Variants in TMEM8B observed in about 807,000 individuals in gnomAD.
The protein encoded by TMEM8B is transmembrane protein 8B, also known as nasopharyngeal carcinoma expressed 6.
TMEM8B carries 29 observed loss-of-function variants against 49.3 expected under a neutral mutation model. The observed-to-expected ratio is 0.59, with a 90% CI of 0.44 to 0.80. TMEM8B has a LOEUF of 0.80. TMEM8B is among the 30% of genes least tolerant of loss of function. The probability of loss-of-function intolerance (pLI) is 0.00; values close to 1 mark genes in which losing one functional copy is unlikely to be tolerated. For missense variants in TMEM8B, 575 were observed against 658.5 expected (o/e 0.87, Z 1.39); for synonymous variants, 264 against 272.8 (o/e 0.97, Z 0.32).
At chr9:35,845,636 G>A in intron 6 of TMEM8B, 1 of 985,394 alleles carries the variant, frequency 1.0e-6, no homozygotes, top group African/African-American at 1.7e-5. Flanking sequence ...TTCTATAACT[G>A]GCAACAGCCC....
Position 35,846,566 on chromosome 9 carries a change from C to G in TMEM8B, c.1951C>G (p.Leu651Val). ...DCGPYGQCKL[L>V]RTHNYLYAAC... ...CGGGCCCTACGGCCAGTGCAAGCTG[C>G]TGCGCACACACAATTATCTGTACGC... is the stretch of plus-strand genomic sequence containing the variant. The change falls in exon 9 of 13, where the codon CTG becomes GTG. Residue 651 changes from leucine to valine, a missense_variant. By Grantham distance (32) the Leu-to-Val change is conservative. Coordinates refer to ENST00000643932, the MANE Select transcript of TMEM8B (RefSeq NM_001042590.4). 1 of 1,573,236 alleles carries G rather than the reference C, an allele frequency of 6.4e-7. No individual in the cohort carries two copies. The highest frequency in any genetic ancestry group is 8.6e-7 in the Non-Finnish European group (1 of 1,159,200).
In TMEM8B at chr9:35,853,535, T is replaced by C. The variant is rs1832350831; in HGVS notation, c.2470T>C (p.Tyr824His). Residue 824 changes from tyrosine (Y) to histidine (H), a missense_variant, in exon 13 of 13, where the codon TAC becomes CAC. Coordinates refer to ENST00000643932, the MANE Select transcript of TMEM8B (RefSeq NM_001042590.4). The surrounding 1 kb of genome is among the most constrained non-coding windows in gnomAD (Gnocchi z 4.2). The stretch of plus-strand genomic sequence containing the variant: ...ACGCAGCGTCCGCCGCCGGCACTGC[T>C]ACCCACCCACGTGGCGCCGCTGGCT... ...TVRSVRRRHCYPPTWRRWLFY... is the reference protein window; with the variant it reads ...TVRSVRRRHCHPPTWRRWLFY... 6.2e-7 allele frequency: 1 copy of C among 1,613,926 alleles called. No homozygotes were observed. Among genetic ancestry groups the C allele is most frequent in the Non-Finnish European group, 8.5e-7 (1 of 1,180,018 alleles).
Position 35,855,658 on chromosome 9 carries a change from T to A in TMEM8B, c.*1818T>A, listed in dbSNP as rs1832505738. 1 of 152,308 alleles carries A rather than the reference T, an allele frequency of 6.6e-6. No homozygotes were observed. Among genetic ancestry groups the A allele is most frequent in the Admixed American group, 6.5e-5 (1 of 15,282 alleles). 9.4% of individuals were successfully genotyped at this position (152,308 alleles called of 1,614,324 possible). ...ATCCACCCGCCTCGGCCTCCCAAAG[T>A]GCTGGGATTACAGTTGTGAGCCACC... On this transcript the variant is annotated 3_prime_UTR_variant, in exon 13 of 13. Coordinates refer to ENST00000643932, the MANE Select transcript of TMEM8B (RefSeq NM_001042590.4).
chr9:35,842,483 A>C lies in TMEM8B; in HGVS notation c.1401A>C (p.Glu467Asp). 1 of 1,600,654 alleles carries C rather than the reference A, an allele frequency of 6.2e-7. No homozygotes were observed. Among genetic ancestry groups the C allele is most frequent in the Non-Finnish European group, 8.5e-7 (1 of 1,170,992 alleles). The change falls in exon 6 of 13, where the codon GAA (glutamate) becomes GAC (aspartate). Residue 467 changes from glutamate to aspartate, a missense_variant. Transcript: ENST00000643932. The surrounding 1 kb of genome is among the most constrained non-coding windows in gnomAD (Gnocchi z 5.6). ...TGGGCAACCAGCCACTGCCCCCAGAACCGCCATCCCTTGGAACCCCTGCGG... is the reference window on the plus strand; with the variant it reads ...TGGGCAACCAGCCACTGCCCCCAGACCCGCCATCCCTTGGAACCCCTGCGG... ...QSLGNQPLPP[E>D]PPSLGTPAEG...
rs564793593 is a variant in TMEM8B, at chr9:35,839,027, C to T, written c.907-2107C>T. On this transcript the variant is annotated intron_variant, in intron 3 of 12. Coordinates refer to ENST00000643932, the MANE Select transcript of TMEM8B (RefSeq NM_001042590.4). ...CTGAAATCTGTCCAGCACTCGTTTG[C>T]TTCTACACTGATTGGTGCTTTCTGC... is the stretch of plus-strand genomic sequence containing the variant. Among the ~76,000 whole-genome samples, 3 of 152,324 alleles carry T rather than the reference C, an allele frequency of 2.0e-5. No individual in the cohort carries two copies. In the South Asian group the frequency reaches 6.2e-4, roughly 32 times the overall value.
At position 35,831,354 on chromosome 9, in the gene TMEM8B, C is replaced by T. The variant is rs117355760; in HGVS notation, c.508+1399C>T. On this transcript the variant is annotated intron_variant, in intron 1 of 12. Coordinates refer to ENST00000643932, the MANE Select transcript of TMEM8B (RefSeq NM_001042590.4). ...TTCCTCTTCAGCTCTGCCTCCTCCT[C>T]ATATGGACAGATCACTGAAGCTGTG... Among the ~76,000 whole-genome samples, 261 of 152,316 alleles carry T rather than the reference C, an allele frequency of 1.7e-3. 4 individuals are homozygous for T. In the East Asian group the frequency reaches 0.047, roughly 28 times the overall value.
rs1342131596 is a variant in TMEM8B at position 35,857,121 on chromosome 9, C to G, written c.*3281C>G. 6.6e-6 allele frequency: 1 copy of G among 152,276 alleles called. No individual in the cohort carries two copies. Among genetic ancestry groups the G allele is most frequent in the East Asian group, 1.9e-4 (1 of 5,198 alleles). The allele number at this position is 152,276 out of a possible 1,614,324, so 9.4% of individuals were successfully genotyped here. On this transcript the variant is annotated 3_prime_UTR_variant, in exon 13 of 13. Coordinates refer to ENST00000643932, the MANE Select transcript of TMEM8B (RefSeq NM_001042590.4). Reference sequence around the variant, plus strand: ...GAGACCCCTGAGCACTTGCAGCTGCCTGGGGCATGTTCAGCAGCACAGGGC... The same window carrying G: ...GAGACCCCTGAGCACTTGCAGCTGCGTGGGGCATGTTCAGCAGCACAGGGC...
rs918866498 is a variant in TMEM8B at position 35,859,865 on chromosome 9, A to G, written c.*6025A>G. ...CCCTATGAGGAGGGCGTTCCCCAAC[A>G]CATTCACGGAGTAGATGCCCAGGCA... On this transcript the variant is annotated 3_prime_UTR_variant, in exon 13 of 13. Coordinates refer to ENST00000643932, the MANE Select transcript of TMEM8B (RefSeq NM_001042590.4). 6.5e-6 allele frequency: 1 copy of G among 153,452 alleles called. No homozygotes were observed. Among genetic ancestry groups the G allele is most frequent in the Non-Finnish European group, 1.5e-5 (1 of 68,252 alleles). The allele number at this position is 153,452 out of a possible 1,614,324, so 9.5% of individuals were successfully genotyped here.
chr9:35,853,300 T>C lies in TMEM8B; in HGVS notation c.2439+43T>C. On this transcript the variant is annotated intron_variant, in intron 12 of 12. Coordinates refer to ENST00000643932, the MANE Select transcript of TMEM8B (RefSeq NM_001042590.4). The surrounding 1 kb of genome is among the most constrained non-coding windows in gnomAD (Gnocchi z 4.2). ...TGTGGGGGGAGGGTCCCAGCAGGAC[T>C]TGGGTGCTGGGCCCCAGGTATCTGG... 6.5e-7 allele frequency: 1 copy of C among 1,545,740 alleles called. No homozygotes were observed. The highest frequency in any genetic ancestry group is 1.1e-5 in the South Asian group (1 of 89,348).
In TMEM8B at chr9:35,862,586, C is replaced by T. The variant is rs1312395511; in HGVS notation, c.*8746C>T. The T allele has an allele frequency of 2.0e-5, 3 of 152,400 alleles. No individual in the cohort carries two copies. Among genetic ancestry groups the T allele is most frequent in the South Asian group, 2.1e-4 (1 of 4,840 alleles). The allele number at this position is 152,400 out of a possible 1,614,324, so 9.4% of individuals were successfully genotyped here. A position where few individuals can be genotyped will look rare whatever the true frequency, so the allele number is the denominator to read the frequency against. On this transcript the variant is annotated 3_prime_UTR_variant, in exon 13 of 13. Transcript: ENST00000643932. ...GCCTCCACCGCATCCCTCATGCACACCTGCTGCAGCCTCATCAGACCACTC... is the reference window on the plus strand; with the variant it reads ...GCCTCCACCGCATCCCTCATGCACATCTGCTGCAGCCTCATCAGACCACTC...
chr9:35,848,628 G>C (rs762523793), intron 10 of TMEM8B, among the ~76,000 whole-genome samples: 3 of 151,524 alleles, frequency 2.0e-5, no homozygotes, highest in African/African-American at 7.3e-5. Context: ...AGCCTCAAGT[G>C]CCTGGCACCA....
At chr9:35,850,839 A>G (rs1422799308) in intron 10 of TMEM8B, among the ~76,000 whole-genome samples, 5 of 152,246 alleles carry the variant, frequency 3.3e-5, no homozygotes, top group African/African-American at 9.6e-5. Flanking sequence ...AGTGAAGCAT[A>G]TGGAGCCAGT....
intron 1 of TMEM8B, among the ~76,000 whole-genome samples, chr9:35,831,651 C>T (rs976828009): frequency 6.6e-6 from 1 of 152,148 alleles, no homozygotes; most frequent in African/African-American, 2.4e-5. Flanking sequence ...CTTCATGTGC[C>T]CATTGAGCAA....
At chr9:35,839,849 A>G (rs1830798893) in intron 3 of TMEM8B, among the ~76,000 whole-genome samples, 1 of 152,152 alleles carries the variant, frequency 6.6e-6, no homozygotes, top group Non-Finnish European at 1.5e-5. Context: ...TTTGACACCC[A>G]TTCTTTAACA....
In TMEM8B at chr9:35,835,315, G is replaced by A. The variant is rs144561411; in HGVS notation, c.906+97G>A. 2.7e-3 allele frequency: 1,088 copies of A among 405,498 alleles called. 6 individuals carry two copies. Among genetic ancestry groups the A allele is most frequent in the African/African-American group, 0.016 (794 of 48,814 alleles). 25.1% of individuals were successfully genotyped at this position (405,498 alleles called of 1,614,324 possible). ...TCTCTGGCACACCAGCCTTGTGTCAGGGTGGGCAGCAGCACAAGGGTGGCT... is the reference window on the plus strand; with the variant it reads ...TCTCTGGCACACCAGCCTTGTGTCAAGGTGGGCAGCAGCACAAGGGTGGCT... On this transcript the variant is annotated intron_variant, in intron 3 of 12. Transcript: ENST00000643932.
chr9:35,844,714 A>G (rs1831349389), intron 6 of TMEM8B, among the ~76,000 whole-genome samples: 1 of 152,262 alleles, frequency 6.6e-6, no homozygotes, highest in Non-Finnish European at 1.5e-5. Flanking sequence ...AGCCTTACGC[A>G]TACTTGTTCT....
chr9:35,839,957 G>A (rs893574292), intron 3 of TMEM8B, among the ~76,000 whole-genome samples: 1 of 152,210 alleles, frequency 6.6e-6, no homozygotes, highest in African/African-American at 2.4e-5. Context: ...CTGGAAGTCA[G>A]TGCCTTGGCT....
Position 35,863,916 on chromosome 9 carries a change from A to G in TMEM8B, c.*10076A>G, listed in dbSNP as rs1832690591. ...CTCTCAGAAAGCTACTCTAGTGGCC[A>G]TCTACCAGTGTCACGCAGTGTCACG... On this transcript the variant is annotated 3_prime_UTR_variant, in exon 13 of 13. Coordinates refer to ENST00000643932, the MANE Select transcript of TMEM8B (RefSeq NM_001042590.4). 1 of 152,246 alleles carries G rather than the reference A, an allele frequency of 6.6e-6. No homozygotes were observed. The highest frequency in any genetic ancestry group is 6.5e-5 in the Admixed American group (1 of 15,276). 9.4% of individuals were successfully genotyped at this position (152,246 alleles called of 1,614,324 possible).
In TMEM8B at chr9:35,865,225, G is replaced by A. The variant is rs1832717696; in HGVS notation, c.*11385G>A. On this transcript the variant is annotated 3_prime_UTR_variant, in exon 13 of 13. Coordinates refer to ENST00000643932, the MANE Select transcript of TMEM8B (RefSeq NM_001042590.4). ...ATAAGCCCGGCTTCACTAGGCCTGGGTGTCTGGGTTGTGAAATGGGGTGTC... is the reference window on the plus strand; with the variant it reads ...ATAAGCCCGGCTTCACTAGGCCTGGATGTCTGGGTTGTGAAATGGGGTGTC... 1 of 152,248 alleles carries A rather than the reference G, an allele frequency of 6.6e-6. No homozygotes were observed. The highest frequency in any genetic ancestry group is 2.4e-5 in the African/African-American group (1 of 41,458). The allele number at this position is 152,248 out of a possible 1,614,324, so 9.4% of individuals were successfully genotyped here.
Sources: allele counts gnomAD v4.1 joint callset (sites outside exome capture counted in the v4.1 genomes callset), GRCh38; gene constraint gnomAD v4.1.1; non-coding constraint Gnocchi (gnomAD v3.1); transcripts MANE v1.5; gene names NCBI Gene and HGNC (gene_info 2026-07-23, HGNC 2026-07-21).